TAF4: variants seen among roughly 807,000 people sequenced by gnomAD.
The protein encoded by TAF4 is transcription initiation factor TFIID subunit 4.
In TAF4, 9 loss-of-function variants were observed where a neutral mutation model predicts 90.3. The ratio of observed to expected loss-of-function variants is 0.10; its 90% confidence interval spans 0.06 to 0.17. The LOEUF is 0.17. Among genes scored for constraint, TAF4 ranks in the 10% least tolerant of loss-of-function variants. The pLI is 1.00. For missense variants in TAF4, 1,351 were observed against 1,370.7 expected, an observed-to-expected ratio of 0.99 and a Z score of 0.23; for synonymous variants, 818 against 638.9, an observed-to-expected ratio of 1.28 and a Z score of -4.23.
chr20:62,036,859 G>C (rs192280705), intron 1 of TAF4, among the ~76,000 whole-genome samples: 2 of 152,198 alleles, frequency 1.3e-5, no homozygotes, highest in African/African-American at 4.8e-5. Context: ...GAAGCGGGGG[G>C]ACTTTGGGGG....
At chr20:62,012,732 C>T (rs2123147165) in intron 3 of TAF4, 83 bp downstream of exon 3, 2 of 1,237,866 alleles carry the variant, frequency 1.6e-6, no homozygotes, top group Non-Finnish European at 2.1e-6. Context: ...AAAAAAAAAA[C>T]TCCTAAGGCC....
Position 62,065,541 on chromosome 20 carries a change from G to T in TAF4, c.270C>A (p.Pro90=). The change falls in exon 1 of 15, where the codon CCC becomes CCA. Residue 90 remains proline (P), a synonymous_variant. Coordinates refer to ENST00000252996, the MANE Select transcript of TAF4 (RefSeq NM_003185.4). ...CCCCCGGCCGCGCTCTACCTGCGGG[G>T]GGCGGCTCCGGCGCCGCTCCGGGCG... ...EGAPGAAPEP[P]PAGRARPGGG... is the part of the protein sequence containing the mutation. 2 of 978,490 alleles carry T rather than the reference G, an allele frequency of 2.0e-6. No individual in the cohort carries two copies. Among genetic ancestry groups the T allele is most frequent in the South Asian group, 4.6e-5 (1 of 21,822 alleles). The allele number at this position is 978,490 out of a possible 1,614,324, so 60.6% of individuals were successfully genotyped here.
chr20:61,998,341 G>A, intron 12 of TAF4, 149 bp from the exon 13 acceptor site: 2 of 774,382 alleles, frequency 2.6e-6, no homozygotes, highest in Non-Finnish European at 2.0e-6. Context: ...AGCCAAAGAT[G>A]AAAATTTACA....
chr20:61,994,188 A>ATGT (rs770661818), intron 14 of TAF4, among the ~76,000 whole-genome samples: 1 of 152,036 alleles, frequency 6.6e-6, no homozygotes, highest in Non-Finnish European at 1.5e-5. Context: ...TTCTCGATAT[A>ATGT]TGTTGTTGTT....
intron 1 of TAF4, among the ~76,000 whole-genome samples, chr20:62,049,725 A>G (rs2056015488): frequency 7.0e-6 from 1 of 142,972 alleles, no homozygotes; most frequent in African/African-American, 2.6e-5. Flanking sequence ...GGGTCACTCC[A>G]GAGGGAGGCA....
intron 7 of TAF4, chr20:62,004,497 A>C (rs1163379418): frequency 7.1e-6 from 1 of 140,866 alleles, no homozygotes; most frequent in South Asian, 2.3e-4. Context: ...TAATTTTTGT[A>C]ATTTTTTTTT....
chr20:62,003,048 G>C lies in TAF4; in HGVS notation c.2486+112C>G, dbSNP rs551593962. On this transcript the variant is annotated intron_variant, in intron 9 of 14. Coordinates refer to ENST00000252996, the MANE Select transcript of TAF4 (RefSeq NM_003185.4). Reference sequence around the variant, plus strand: ...CGTGAAGCAGGAGCCTTGGAGCCCCGGCCGCCAGGGCCACGTGGGAAAGAC... The same window carrying C: ...CGTGAAGCAGGAGCCTTGGAGCCCCCGCCGCCAGGGCCACGTGGGAAAGAC... 11 of 801,554 alleles carry C rather than the reference G, an allele frequency of 1.4e-5. No homozygotes were observed. In the East Asian group the frequency reaches 2.7e-4, roughly 19 times the overall value. 49.7% of individuals were successfully genotyped at this position (801,554 alleles called of 1,614,324 possible).
At position 62,009,082 on chromosome 20, in the gene TAF4, A is replaced by G; in HGVS notation, c.1854T>C (p.Ala618=). 1 of 1,613,314 alleles carries G rather than the reference A, an allele frequency of 6.2e-7. No individual in the cohort carries two copies. Among genetic ancestry groups the G allele is most frequent in the Non-Finnish European group, 8.5e-7 (1 of 1,179,798 alleles). The change falls in exon 5 of 15, where the codon GCT becomes GCC. Residue 618 remains alanine (A), a synonymous_variant. Coordinates refer to ENST00000252996, the MANE Select transcript of TAF4 (RefSeq NM_003185.4). ...AATTCTGCACGAGCTCTTTCACATT[A>G]GCTGCTGTCTCTGTAGACTGCTTGC... The part of the protein sequence containing the change: ...SSGKQSTETA[A]NVKELVQNLL...
In TAF4 at chr20:62,065,778, G is replaced by T; in HGVS notation, c.33C>A (p.Val11=). 1 of 1,335,328 alleles carries T rather than the reference G, an allele frequency of 7.5e-7. No individual in the cohort carries two copies. Among genetic ancestry groups the T allele is most frequent in the Non-Finnish European group, 9.8e-7 (1 of 1,024,466 alleles). 82.7% of individuals were successfully genotyped at this position (1,335,328 alleles called of 1,614,324 possible). A position where few individuals can be genotyped will look rare whatever the true frequency, so the allele number is the denominator to read the frequency against. ...TCTCGTCCACCTCGCTGTTGAAGAA[G>T]ACCTCGTCCAGCAGATCCGAGCCCG... is the stretch of plus-strand genomic sequence containing the variant. MAAGSDLLDE[V]FFNSEVDEKV... is the part of the protein sequence containing the mutation. The change falls in exon 1 of 15, where the codon GTC becomes GTA. Residue 11 remains valine, a synonymous_variant. Coordinates refer to ENST00000252996, the MANE Select transcript of TAF4 (RefSeq NM_003185.4).
Position 62,003,733 on chromosome 20 carries a change from G to C in TAF4, c.2369C>G (p.Pro790Arg). The change falls in exon 8 of 15, where the codon CCA (proline) becomes CGA (arginine). Residue 790 changes from proline to arginine, a missense_variant and splice_region_variant. Coordinates refer to ENST00000252996, the MANE Select transcript of TAF4 (RefSeq NM_003185.4). The part of the protein sequence containing the change: ...PQQIQLNPLQ[P>R]VPVVKPAVLP... The stretch of plus-strand genomic sequence containing the variant: ...CCAGGGGCCCGCGAGGCCCTCACCT[G>C]GCTGCAGTGGGTTCAGCTGGATCTG... 1 of 1,593,046 alleles carries C rather than the reference G, an allele frequency of 6.3e-7. No homozygotes were observed. The highest frequency in any genetic ancestry group is 8.5e-7 in the Non-Finnish European group (1 of 1,173,890).
intron 14 of TAF4, among the ~76,000 whole-genome samples, chr20:61,984,591 CGGG>C (rs2055571280): frequency 6.6e-6 from 1 of 152,078 alleles, no homozygotes; most frequent in Non-Finnish European, 1.5e-5. Context: ...GGGCAGTGCC[CGGG>C]ACATCAGCAC....
chr20:62,029,988 A>G lies in TAF4; in HGVS notation c.1361-15281T>C, dbSNP rs532437346. On this transcript the variant is annotated intron_variant, in intron 1 of 14. Transcript: ENST00000252996. ...TCAGGGCTGGGCCAGAAGGAAGAAC[A>G]GTGCGCCGCAGGGGCATGGTCACGG... Among the ~76,000 whole-genome samples the G allele has an allele frequency of 2.0e-5, 3 of 152,312 alleles. No individual in the cohort carries two copies. In the South Asian group the frequency reaches 6.2e-4, roughly 32 times the overall value.
intron 14 of TAF4, among the ~76,000 whole-genome samples, chr20:61,996,451 C>T (rs1229794780): frequency 3.3e-5 from 5 of 152,034 alleles, no homozygotes; most frequent in Admixed American, 2.6e-4. Context: ...TTGAAAGTTT[C>T]GCAAGAAAGA....
intron 1 of TAF4, among the ~76,000 whole-genome samples, chr20:62,040,085 T>C (rs2055955249): frequency 6.6e-6 from 1 of 152,216 alleles, no homozygotes; most frequent in African/African-American, 2.4e-5. Context: ...CAGAAATTAA[T>C]ATTCATTTGC....
chr20:61,976,076 G>A lies in TAF4; in HGVS notation c.*92C>T. On this transcript the variant is annotated 3_prime_UTR_variant, in exon 15 of 15. Coordinates refer to ENST00000252996, the MANE Select transcript of TAF4 (RefSeq NM_003185.4). ...GAATATAAAACTGTTCCATTGTAAA[G>A]AGGTGGCTGTTTTTTAAACAATATC... is the stretch of plus-strand genomic sequence containing the variant. The A allele has an allele frequency of 7.4e-7, 1 of 1,358,980 alleles. No homozygotes were observed. The highest frequency in any genetic ancestry group is 1.0e-6 in the Non-Finnish European group (1 of 962,308). 84.2% of individuals were successfully genotyped at this position (1,358,980 alleles called of 1,614,324 possible).
At chr20:62,009,750 G>A (rs6061398) in intron 4 of TAF4, among the ~76,000 whole-genome samples, 4,607 of 152,318 alleles carry the variant, frequency 0.03, 145 homozygotes, top group African/African-American at 0.08. Context: ...GTGTACAAAC[G>A]GGTGGCGCTG....
At chr20:62,059,842 G>A (rs75977230) in intron 1 of TAF4, among the ~76,000 whole-genome samples, 1 of 152,226 alleles carries the variant, frequency 6.6e-6, no homozygotes, top group East Asian at 1.9e-4. Context: ...TTACACCTCT[G>A]CTTCAAGATC....
At chr20:61,996,496 T>C (rs1373433757) in intron 14 of TAF4, among the ~76,000 whole-genome samples, 1 of 152,008 alleles carries the variant, frequency 6.6e-6, no homozygotes, top group Non-Finnish European at 1.5e-5. Context: ...CCAGTAAAAA[T>C]ATCCTCTGAA....
At chr20:62,061,102 T>C (rs977690916) in intron 1 of TAF4, among the ~76,000 whole-genome samples, 5 of 152,126 alleles carry the variant, frequency 3.3e-5, no homozygotes, top group African/African-American at 1.2e-4. Flanking sequence ...AGTCACAAAA[T>C]CTAAACTTTT....
Sources: gnomAD v4.1 joint callset for allele counts (sites outside exome capture counted in the v4.1 genomes callset) on GRCh38, gnomAD v4.1.1 for gene constraint, MANE v1.5 for transcripts, NCBI Gene and HGNC (gene_info 2026-07-23, HGNC 2026-07-21) for gene names.